CCSER1: variants seen among roughly 807,000 people sequenced by gnomAD.
The protein encoded by CCSER1 is coiled-coil serine rich protein 1.
In CCSER1, 41 loss-of-function variants were observed where a neutral mutation model predicts 82.0. That is an observed-to-expected ratio of 0.50 (90% CI 0.39 to 0.65). The LOEUF is 0.65. Ranked by LOEUF, CCSER1 falls within the 30% of genes least tolerant of loss-of-function variation. The probability of loss-of-function intolerance (pLI) is 0.00; values close to 1 mark genes in which losing one functional copy is unlikely to be tolerated. For synonymous variants in CCSER1, 414 were observed against 383.9 expected (o/e 1.08, Z -0.92); for missense variants, 1,119 against 1,064.2 (o/e 1.05, Z -0.72).
At chr4:90,202,546 C>T (rs771891889) in intron 1 of CCSER1, among the ~76,000 whole-genome samples, 27 of 152,212 alleles carry the variant, frequency 1.8e-4, no homozygotes, top group Non-Finnish European at 2.5e-4. Flanking sequence ...TCTTCCCAAA[C>T]TGGCTGGACT....
chr4:90,240,817 A>T (rs986024284), intron 1 of CCSER1, among the ~76,000 whole-genome samples: 5 of 152,126 alleles, frequency 3.3e-5, no homozygotes. Context: ...ACATTATCCT[A>T]GTTTTCAGTA....
intron 4 of CCSER1, among the ~76,000 whole-genome samples, chr4:90,442,703 T>A (rs940297131): frequency 1.3e-5 from 2 of 152,136 alleles, no homozygotes; most frequent in Non-Finnish European, 2.9e-5. Context: ...AACAAATAGT[T>A]CTCCTGATAA....
At chr4:90,179,119 A>G (rs1398494239) in intron 1 of CCSER1, among the ~76,000 whole-genome samples, 1 of 152,182 alleles carries the variant, frequency 6.6e-6, no homozygotes, top group Non-Finnish European at 1.5e-5. Flanking sequence ...TTTATATTGT[A>G]AATAAAATAG....
intron 5 of CCSER1, among the ~76,000 whole-genome samples, chr4:90,625,752 T>A (rs967458988): frequency 3.3e-5 from 5 of 152,222 alleles, no homozygotes; most frequent in Admixed American, 6.5e-5. Flanking sequence ...AAAAATGCCA[T>A]CATCTTTTCC....
intron 10 of CCSER1, among the ~76,000 whole-genome samples, chr4:91,208,711 T>C (rs1560516703): frequency 6.6e-6 from 1 of 151,986 alleles, no homozygotes; most frequent in Non-Finnish European, 1.5e-5. Context: ...GGCTCTTTTT[T>C]GTTCTGTATG....
At chr4:90,578,542 A>G (rs572978202) in intron 5 of CCSER1, among the ~76,000 whole-genome samples, 1 of 152,322 alleles carries the variant, frequency 6.6e-6, no homozygotes, top group South Asian at 2.1e-4. Context: ...CTCTTAGAGA[A>G]TAGGCAAAAA....
At chr4:91,199,352 A>T (rs1294785514) in intron 10 of CCSER1, among the ~76,000 whole-genome samples, 1 of 152,140 alleles carries the variant, frequency 6.6e-6, no homozygotes, top group African/African-American at 2.4e-5. Flanking sequence ...AAGTATAAAG[A>T]TGTAAATATA....
intron 10 of CCSER1, among the ~76,000 whole-genome samples, chr4:91,136,992 T>C (rs998592136): frequency 1.9e-4 from 26 of 138,404 alleles, no homozygotes; most frequent in Admixed American, 1.7e-3. Context: ...TTAGTGATTA[T>C]AGAAATGTTT....
chr4:91,296,636 T>C (rs1306800533), intron 10 of CCSER1, among the ~76,000 whole-genome samples: 4 of 149,500 alleles, frequency 2.7e-5, no homozygotes, highest in African/African-American at 9.8e-5. Flanking sequence ...TGTGTGTATA[T>C]ATATAAGTAT....
chr4:90,388,603 C>T (rs371474823), intron 3 of CCSER1, among the ~76,000 whole-genome samples: 2 of 150,666 alleles, frequency 1.3e-5, no homozygotes, highest in South Asian at 2.1e-4. Flanking sequence ...AGCCACCACG[C>T]CCGGCCCATT....
At chr4:91,508,162 G>GTTTTTTTTTTT (rs139066436) in intron 10 of CCSER1, among the ~76,000 whole-genome samples, 2 of 97,654 alleles carry the variant, frequency 2.0e-5, no homozygotes, top group Non-Finnish European at 3.8e-5. Flanking sequence ...TTTTTTCTGG[G>GTTTTTTTTTTT]TTTTTTTTTT....
chr4:90,777,913 G>A (rs1308974793), intron 7 of CCSER1, among the ~76,000 whole-genome samples: 1 of 152,060 alleles, frequency 6.6e-6, no homozygotes, highest in Admixed American at 6.6e-5. Context: ...CTAACTCAGG[G>A]CAATTTTAAG....
chr4:91,093,488 G>A (rs749862396), intron 10 of CCSER1, among the ~76,000 whole-genome samples: 2 of 152,204 alleles, frequency 1.3e-5, no homozygotes, highest in African/African-American at 4.8e-5. Flanking sequence ...TTTGGTATTT[G>A]TTAAAGTCAC....
At position 90,272,148 on chromosome 4, in the gene CCSER1, T is replaced by C. The variant is rs189700942; in HGVS notation, c.-41-36096T>C. Among the ~76,000 whole-genome samples the C allele has an allele frequency of 2.1e-3, 325 of 152,002 alleles. 2 individuals are homozygous for C. Among genetic ancestry groups the C allele is most frequent in the African/African-American group, 7.3e-3 (303 of 41,454 alleles). ...CTCCCTGGACACATGAGGATTACAA[T>C]TCAAGATGAGATTTGGATGGGGACA... On this transcript the variant is annotated intron_variant, in intron 1 of 10. Coordinates refer to ENST00000509176, the MANE Select transcript of CCSER1 (RefSeq NM_001145065.2).
Position 90,312,875 on chromosome 4 carries a change from GTC to G in CCSER1, c.1340_1341del (p.Leu447GlnfsTer5). 2 of 1,566,772 alleles carry G rather than the reference GTC, an allele frequency of 1.3e-6. No homozygotes were observed. The highest frequency in any genetic ancestry group is 1.7e-6 in the Non-Finnish European group (2 of 1,153,884). On this transcript the variant is annotated frameshift_variant, in exon 3 of 11. Coordinates refer to ENST00000509176, the MANE Select transcript of CCSER1 (RefSeq NM_001145065.2). LOFTEE classifies it high-confidence loss of function. ...TTCCTTTCCATAGTTCTTGCCAGTA[GTC>G]TCAGTCCATTTCGTGAAGGAAGATT... is the stretch of plus-strand genomic sequence containing the variant.
At chr4:90,968,399 C>T (rs1734774664) in intron 9 of CCSER1, among the ~76,000 whole-genome samples, 1 of 151,998 alleles carries the variant, frequency 6.6e-6, no homozygotes, top group African/African-American at 2.4e-5. Flanking sequence ...TGTGCCCCCA[C>T]AGATAGCACA....
intron 10 of CCSER1, among the ~76,000 whole-genome samples, chr4:91,185,443 C>T (rs1581732910): frequency 6.6e-6 from 1 of 152,214 alleles, no homozygotes; most frequent in East Asian, 1.9e-4. Flanking sequence ...AAGGGTCCTC[C>T]ACAGACTCCT....
intron 3 of CCSER1, among the ~76,000 whole-genome samples, chr4:90,387,444 G>T (rs748159077): frequency 6.6e-6 from 1 of 152,114 alleles, no homozygotes. Context: ...CTTTGCCCTC[G>T]GTTTCTGAGA....
At chr4:90,627,954 T>G (rs1277324026) in intron 5 of CCSER1, 71 bp from the exon 6 acceptor site, 2 of 1,161,982 alleles carry the variant, frequency 1.7e-6, no homozygotes, top group Admixed American at 3.6e-5. Context: ...GAAACATTGA[T>G]TAACAACTTG....
Sources: allele counts gnomAD v4.1 joint callset (sites outside exome capture counted in the v4.1 genomes callset), GRCh38; gene constraint gnomAD v4.1.1; transcripts MANE v1.5; gene names NCBI Gene and HGNC (gene_info 2026-07-23, HGNC 2026-07-21).